The following IL1R1 variants were observed in gnomAD, a reference collection of about 807,000 sequenced individuals.
IL1R1 encodes interleukin 1 receptor type 1, also known as interleukin-1 receptor type 1.
A neutral mutation model predicts 50.2 loss-of-function variants in IL1R1; 22 were observed. The observed-to-expected ratio is 0.44, with a 90% CI of 0.31 to 0.63. IL1R1 has a LOEUF of 0.63. Among genes scored for constraint, IL1R1 ranks in the 20% least tolerant of loss-of-function variants. The pLI is 0.07. For synonymous variants in IL1R1, 251 were observed against 236.7 expected (o/e 1.06, Z -0.55); for missense variants, 509 against 676.2 (o/e 0.75, Z 2.74).
chr2:102,171,083 T>C (rs1041827588), intron 7 of IL1R1, among the ~76,000 whole-genome samples: 1 of 152,100 alleles, frequency 6.6e-6, no homozygotes, highest in Non-Finnish European at 1.5e-5. Context: ...TGGAATTAAA[T>C]AATGGATAGA....
At chr2:102,081,738 C>T (rs1366227393) in intron 1 of IL1R1, among the ~76,000 whole-genome samples, 1 of 152,214 alleles carries the variant, frequency 6.6e-6, no homozygotes, top group Admixed American at 6.5e-5. Context: ...TTGCAGGCTA[C>T]ACTGGAAGTC....
intron 1 of IL1R1, among the ~76,000 whole-genome samples, chr2:102,081,134 TG>T (rs1679188747): frequency 6.6e-6 from 1 of 152,138 alleles, no homozygotes; most frequent in Non-Finnish European, 1.5e-5. Context: ...AATTGGATAG[TG>T]GTGATGGGTG....
At chr2:102,168,148 A>G (rs1287207980) in intron 6 of IL1R1, among the ~76,000 whole-genome samples, 2 of 152,236 alleles carry the variant, frequency 1.3e-5, no homozygotes, top group African/African-American at 2.4e-5. Flanking sequence ...AATAAATTAC[A>G]GCATTATTCC....
chr2:102,175,515 T>C lies in IL1R1; in HGVS notation c.1173T>C (p.Tyr391=), dbSNP rs201949247. 6.2e-7 allele frequency: 1 copy of C among 1,613,762 alleles called. No individual in the cohort carries two copies. Among genetic ancestry groups the C allele is most frequent in the East Asian group, 2.2e-5 (1 of 44,850 alleles). ...AGACCTATGACGCATATATACTGTA[T>C]CCAAAGACTGTTGGGGAAGGGTCTA... ...DGKTYDAYIL[Y]PKTVGEGSTS... Residue 391 remains tyrosine, a synonymous_variant, in exon 11 of 12, where the codon TAT becomes TAC. Transcript: ENST00000410023.
At chr2:102,171,711 A>G (rs953427122) in intron 7 of IL1R1, 90 bp from the exon 8 acceptor site, 2 of 641,784 alleles carry the variant, frequency 3.1e-6, no homozygotes, top group African/African-American at 3.8e-5. Flanking sequence ...GCATTTCTAT[A>G]TCTAAAATTT....
At chr2:102,155,808 C>T (rs3917236) in intron 2 of IL1R1, among the ~76,000 whole-genome samples, 8,165 of 152,266 alleles carry the variant, frequency 0.054, 447 homozygotes, top group African/African-American at 0.14. Context: ...CCTTGTGCCC[C>T]TTGAGCACAC....
Position 102,174,584 on chromosome 2 carries a change from T to C in IL1R1, c.992-3T>C. The C allele has an allele frequency of 6.4e-7, 1 of 1,558,946 alleles. No homozygotes were observed. The highest frequency in any genetic ancestry group is 1.8e-4 in the Middle Eastern group (1 of 5,474). On this transcript the variant is annotated splice_polypyrimidine_tract_variant and splice_region_variant and intron_variant, in intron 9 of 11. Coordinates refer to ENST00000410023, the MANE Select transcript of IL1R1 (RefSeq NM_000877.4). ...TTCTCCTTTTTTTTTCTTTTTGCTA[T>C]AGTCACTAATTTCCAGAAGCACATG...
intron 1 of IL1R1, among the ~76,000 whole-genome samples, chr2:102,152,706 A>C (rs1430302424): frequency 6.6e-6 from 1 of 151,822 alleles, no homozygotes; most frequent in Non-Finnish European, 1.5e-5. Flanking sequence ...CACAGGGGTC[A>C]GTCAGGAGGG....
chr2:102,112,484 CAGTG>C (rs796374295), intron 1 of IL1R1, among the ~76,000 whole-genome samples: 18 of 152,154 alleles, frequency 1.2e-4, no homozygotes, highest in African/African-American at 4.1e-4. Context: ...TCACCCCCTT[CAGTG>C]AGCTTCACCT....
intron 1 of IL1R1, among the ~76,000 whole-genome samples, chr2:102,086,859 G>T (rs1370408009): frequency 6.6e-6 from 1 of 151,986 alleles, no homozygotes; most frequent in Non-Finnish European, 1.5e-5. Context: ...ACAACATGTG[G>T]ACCTACTCAG....
intron 1 of IL1R1, among the ~76,000 whole-genome samples, chr2:102,088,370 C>G (rs186061451): frequency 6.6e-6 from 1 of 152,140 alleles, no homozygotes; most frequent in Admixed American, 6.5e-5. Context: ...CATCAGAGCC[C>G]TTGGATGACC....
At chr2:102,078,974 A>C (rs1365951209) in intron 1 of IL1R1, among the ~76,000 whole-genome samples, 28 of 152,178 alleles carry the variant, frequency 1.8e-4, no homozygotes, top group Admixed American at 1.8e-3. Flanking sequence ...TATTAATAGA[A>C]TAAAGGATGG....
chr2:102,175,941 T>C (rs1470422908), intron 11 of IL1R1: 4 of 511,366 alleles, frequency 7.8e-6, no homozygotes, highest in Non-Finnish European at 1.4e-5. Flanking sequence ...ATCAAATGAT[T>C]GAATAATAAG....
intron 1 of IL1R1, among the ~76,000 whole-genome samples, chr2:102,097,449 C>T (rs72817890): frequency 0.017 from 2,518 of 152,254 alleles, 31 homozygotes; most frequent in Non-Finnish European, 0.026. Context: ...GCAATAATCT[C>T]TTAATTGCTA....
At chr2:102,099,477 G>A (rs1472754769) in intron 1 of IL1R1, among the ~76,000 whole-genome samples, 1 of 152,120 alleles carries the variant, frequency 6.6e-6, no homozygotes, top group Non-Finnish European at 1.5e-5. Flanking sequence ...TCCATCTCTG[G>A]GTTAGGGTAC....
At chr2:102,156,820 A>C (rs921745052) in intron 2 of IL1R1, among the ~76,000 whole-genome samples, 4 of 152,206 alleles carry the variant, frequency 2.6e-5, no homozygotes, top group Non-Finnish European at 5.9e-5. Flanking sequence ...ACCATAATAC[A>C]TCTTAAATAG....
chr2:102,137,085 CATA>C (rs1318418820), intron 1 of IL1R1, among the ~76,000 whole-genome samples: 7 of 152,132 alleles, frequency 4.6e-5, no homozygotes. Flanking sequence ...GTTTGCTGGT[CATA>C]ATAATAATCT....
At chr2:102,148,182 T>C (rs897070024) in intron 1 of IL1R1, among the ~76,000 whole-genome samples, 1 of 152,244 alleles carries the variant, frequency 6.6e-6, no homozygotes, top group African/African-American at 2.4e-5. Flanking sequence ...CTCCACGAGA[T>C]GGAAACCATT....
At chr2:102,099,680 A>T (rs766081786), upstream of IL1R1, among the ~76,000 whole-genome samples, 1 of 152,180 alleles carries the variant, frequency 6.6e-6, no homozygotes, top group Non-Finnish European at 1.5e-5. Flanking sequence ...CAGAAGGTAC[A>T]CTTCCACCAG....
Sources: gnomAD v4.1 joint callset for allele counts (sites outside exome capture counted in the v4.1 genomes callset) on GRCh38, gnomAD v4.1.1 for gene constraint, MANE v1.5 for transcripts, NCBI Gene and HGNC (gene_info 2026-07-23, HGNC 2026-07-21) for gene names.